The following PXT1 variants were observed in gnomAD, a reference collection of about 807,000 sequenced individuals.
PXT1 encodes the protein peroxisomal testis-specific protein 1.
In PXT1, 11 loss-of-function variants were observed where a neutral mutation model predicts 11.0. The observed-to-expected ratio is 1.00, with a 90% CI of 0.63 to 1.66. The LOEUF (loss-of-function observed/expected upper bound fraction) is 1.66. Among genes scored for constraint, PXT1 ranks in the 40% most tolerant of loss-of-function variants. PXT1 has a pLI of 0.00. For missense variants in PXT1, 141 were observed against 155.5 expected, an observed-to-expected ratio of 0.91 and a Z score of 0.49; for synonymous variants, 43 against 51.4, an observed-to-expected ratio of 0.84 and a Z score of 0.70.
chr6:36,413,575 C>A (rs1774406534), intron 3 of PXT1, among the ~76,000 whole-genome samples: 1 of 152,178 alleles, frequency 6.6e-6, no homozygotes. Context: ...ATTCATTTGG[C>A]AACTGACTTC....
At chr6:36,407,487 T>C (rs1384389344) in intron 3 of PXT1, among the ~76,000 whole-genome samples, 2 of 152,148 alleles carry the variant, frequency 1.3e-5, no homozygotes, top group African/African-American at 4.8e-5. Flanking sequence ...TGAAAAGTTG[T>C]GGGAATATGT....
chr6:36,423,968 G>A (rs1235838470), intron 3 of PXT1, among the ~76,000 whole-genome samples: 1 of 152,162 alleles, frequency 6.6e-6, no homozygotes, highest in Non-Finnish European at 1.5e-5. Flanking sequence ...TAAATCAAGG[G>A]CAGCAGCGTT....
chr6:36,401,197 G>T (rs1774208510), intron 3 of PXT1, among the ~76,000 whole-genome samples: 3 of 151,510 alleles, frequency 2.0e-5, no homozygotes, highest in Admixed American at 6.6e-5. Context: ...AATTATTAAT[G>T]ATATATTTTA....
Position 36,438,546 on chromosome 6 carries a change from C to CCCGAGTA in PXT1, c.-10+214_-10+220dup, listed in dbSNP as rs796098457. ...TCACGCCATTCTCCCGCCTCAGCCTCCCGAGTACCGGGACTACAGGTGCCT... is the reference window on the plus strand; with the variant it reads ...TCACGCCATTCTCCCGCCTCAGCCTCCCGAGTACCGAGTACCGGGACTACAGGTGCCT... On this transcript the variant is annotated intron_variant, in intron 2 of 4. Transcript: ENST00000454782. Among the ~76,000 whole-genome samples, 13 of 152,292 alleles carry CCCGAGTA rather than the reference C, an allele frequency of 8.5e-5. No homozygotes were observed. The East Asian group carries it at 1.9e-3, about 23-fold the overall frequency.
intron 3 of PXT1, among the ~76,000 whole-genome samples, chr6:36,417,512 C>T (rs1055979599): frequency 7.5e-5 from 11 of 147,104 alleles, no homozygotes; most frequent in African/African-American, 2.8e-4. Context: ...CCCAGCACTT[C>T]GAGAGGCAGT....
At chr6:36,433,052 A>T (rs2127418281) in intron 2 of PXT1, among the ~76,000 whole-genome samples, 1 of 152,338 alleles carries the variant, frequency 6.6e-6, no homozygotes, top group East Asian at 1.9e-4. Flanking sequence ...ATTTCCAATT[A>T]GCTTTTAGGA....
At position 36,404,101 on chromosome 6, in the gene PXT1, A is replaced by G. The variant is rs9637954; in HGVS notation, c.170-3517T>C. Among the ~76,000 whole-genome samples the G allele has an allele frequency of 2.6e-5, 4 of 152,346 alleles. No homozygotes were observed. The East Asian group carries it at 7.7e-4, about 29-fold the overall frequency. On this transcript the variant is annotated intron_variant, in intron 3 of 4. Transcript: ENST00000454782. Reference sequence around the variant, plus strand: ...AAGATAGGCAAAGGAACAAAAGTCCACAGAAATGACTGAGAAGAAATCAAA... The same window carrying G: ...AAGATAGGCAAAGGAACAAAAGTCCGCAGAAATGACTGAGAAGAAATCAAA...
chr6:36,427,626 C>T (rs1253996245), intron 2 of PXT1, among the ~76,000 whole-genome samples: 1 of 151,916 alleles, frequency 6.6e-6, no homozygotes, highest in Non-Finnish European at 1.5e-5. Context: ...TCTAATATAT[C>T]CCCAAATAAA....
At chr6:36,392,469 G>C (rs535453587) in intron 4 of PXT1, among the ~76,000 whole-genome samples, 48 of 152,236 alleles carry the variant, frequency 3.2e-4, no homozygotes, top group Admixed American at 1.4e-3. Flanking sequence ...AGGAATTTGA[G>C]ACCAGCCTAG....
chr6:36,401,784 AC>A (rs2127410912), intron 3 of PXT1, among the ~76,000 whole-genome samples: 1 of 151,488 alleles, frequency 6.6e-6, no homozygotes, highest in South Asian at 2.1e-4. Flanking sequence ...AGTGCTAATA[AC>A]CAAATGTGGT....
At chr6:36,436,012 G>C (rs949053970) in intron 2 of PXT1, among the ~76,000 whole-genome samples, 3 of 150,024 alleles carry the variant, frequency 2.0e-5, no homozygotes, top group African/African-American at 7.4e-5. Flanking sequence ...ACAAGACTGT[G>C]CCATAAACTT....
At chr6:36,417,140 G>A (rs1234787698) in intron 3 of PXT1, among the ~76,000 whole-genome samples, 1 of 152,176 alleles carries the variant, frequency 6.6e-6, no homozygotes, top group Non-Finnish European at 1.5e-5. Context: ...GAGGTCAGGA[G>A]TTCGAGATCA....
At chr6:36,399,047 G>T (rs1407853677) in intron 4 of PXT1, among the ~76,000 whole-genome samples, 1 of 151,996 alleles carries the variant, frequency 6.6e-6, no homozygotes, top group African/African-American at 2.4e-5. Context: ...AATGAAATTG[G>T]CTTATCAAAT....
chr6:36,428,220 C>T (rs597153), intron 2 of PXT1, among the ~76,000 whole-genome samples: 65,146 of 151,606 alleles, frequency 0.43, 15,447 homozygotes, highest in African/African-American at 0.61. Flanking sequence ...CTGAGGCGGG[C>T]GGATCATGAG....
chr6:36,403,075 G>T (rs1204409604), intron 3 of PXT1, among the ~76,000 whole-genome samples: 2 of 152,060 alleles, frequency 1.3e-5, no homozygotes, highest in Non-Finnish European at 1.5e-5. Context: ...GGCCGGAGTG[G>T]TCTCAAACTC....
intron 2 of PXT1, among the ~76,000 whole-genome samples, chr6:36,438,419 T>C (rs1774800906): frequency 6.6e-6 from 1 of 152,042 alleles, no homozygotes; most frequent in Non-Finnish European, 1.5e-5. Context: ...TTGTTGTTGT[T>C]GTTTGTTTGT....
chr6:36,433,344 T>A (rs1682554720), intron 2 of PXT1, among the ~76,000 whole-genome samples: 1 of 151,934 alleles, frequency 6.6e-6, no homozygotes, highest in African/African-American at 2.4e-5. Flanking sequence ...CTGTAAAAAA[T>A]ATATACATTG....
rs1167644403 is a variant in PXT1, at chr6:36,438,841, TTTTG to T, written c.-88_-85del. On this transcript the variant is annotated 5_prime_UTR_variant, in exon 2 of 5. The change creates a premature stop within an existing upstream ORF in the 5' untranslated region. Transcript: ENST00000454782. ...GTTAATAAATTGCAAAGTTTCCCTCTTTTGTTTGCTTTGTTTTCCTTTATATACC... is the reference window on the plus strand; with the variant it reads ...GTTAATAAATTGCAAAGTTTCCCTCTTTTGCTTTGTTTTCCTTTATATACC... 3 of 152,234 alleles carry T rather than the reference TTTTG, an allele frequency of 2.0e-5. No homozygotes were observed. Among genetic ancestry groups the T allele is most frequent in the Admixed American group, 6.5e-5 (1 of 15,282 alleles). 9.4% of individuals were successfully genotyped at this position (152,234 alleles called of 1,614,324 possible). A position where few individuals can be genotyped will look rare whatever the true frequency, so the allele number is the denominator to read the frequency against.
intron 4 of PXT1, among the ~76,000 whole-genome samples, chr6:36,395,855 T>C (rs1221520951): frequency 6.6e-6 from 1 of 151,864 alleles, no homozygotes; most frequent in African/African-American, 2.4e-5. Flanking sequence ...ACAAAAAAAT[T>C]ACCCAGGTGT....
Sources: allele counts gnomAD v4.1 joint callset (sites outside exome capture counted in the v4.1 genomes callset), GRCh38; gene constraint gnomAD v4.1.1; transcripts MANE v1.5; gene names NCBI Gene and HGNC (gene_info 2026-07-23, HGNC 2026-07-21).